SGCA: variants seen among roughly 807,000 people sequenced by gnomAD.
SGCA encodes alpha-sarcoglycan.
Under a neutral mutation model 38.1 loss-of-function variants are expected in SGCA, and 34 were observed. The ratio of observed to expected loss-of-function variants is 0.89; its 90% CI spans 0.68 to 1.19. SGCA has a LOEUF of 1.19. Among genes scored for constraint, SGCA ranks in the 50% most tolerant of loss-of-function variants. The probability of loss-of-function intolerance (pLI) is 0.00; values close to 1 mark genes in which losing one functional copy is unlikely to be tolerated. For synonymous variants in SGCA, 209 were observed against 214.6 expected (o/e 0.97, Z 0.23); for missense variants, 476 against 524.9 (o/e 0.91, Z 0.91).
At chr17:50,168,278 A>C (rs1905093461) in intron 4 of SGCA, 96 bp from the exon 5 acceptor site, 1 of 1,080,964 alleles carries the variant, frequency 9.3e-7, no homozygotes, top group Non-Finnish European at 1.4e-6. Flanking sequence ...AGGGGCCTGA[A>C]GGGGTGTGCA....
rs1904952774 is a variant in SGCA at position 50,167,089 on chromosome 17, T to G, written c.38-279T>G. Among the ~76,000 whole-genome samples the G allele has an allele frequency of 6.6e-6, 1 of 151,302 alleles. No homozygotes were observed. Among genetic ancestry groups the G allele is most frequent in the South Asian group, 2.1e-4 (1 of 4,784 alleles). ...CACACACACACTTCCCAGTCAAACATCAGTCCCTGCCCACTGCACCATTAA... is the reference window on the plus strand; with the variant it reads ...CACACACACACTTCCCAGTCAAACAGCAGTCCCTGCCCACTGCACCATTAA... On this transcript the variant is annotated intron_variant, in intron 1 of 9. Coordinates refer to ENST00000262018, the MANE Select transcript of SGCA (RefSeq NM_000023.4). The surrounding 1 kb of genome is among the most constrained non-coding windows in gnomAD (Gnocchi z 4.5).
At chr17:50,175,637 GT>G (rs779855165) in intron 9 of SGCA, 74 bp from the exon 10 acceptor site, 59 of 696,364 alleles carry the variant, frequency 8.5e-5, no homozygotes, top group Non-Finnish European at 1.3e-4. Context: ...AGCACTCGCA[GT>G]TGGAGTGTCA....
rs3138607 is a variant in SGCA at position 50,169,414 on chromosome 17, TAC to T, written c.747+191_747+192del. 4,622 of 479,870 alleles carry T rather than the reference TAC, an allele frequency of 9.6e-3. 2 individuals are homozygous for T. The highest frequency in any genetic ancestry group is 0.012 in the Non-Finnish European group (3,246 of 268,256). The allele number at this position is 479,870 out of a possible 1,614,324, so 29.7% of individuals were successfully genotyped here. On this transcript the variant is annotated intron_variant, in intron 6 of 9. Transcript: ENST00000262018. The stretch of plus-strand genomic sequence containing the variant: ...ATTGCCCACAGGCTTAGTCTGAGGA[TAC>T]ACACACACACACACACACACACACA...
Position 50,170,666 on chromosome 17 carries a change from A to T in SGCA, c.983A>T (p.Asp328Val), listed in dbSNP as rs966135192. 1.6e-5 allele frequency: 25 copies of T among 1,559,612 alleles called. No individual in the cohort carries two copies. In the African/African-American group the frequency reaches 2.0e-4, roughly 13 times the overall value. The change falls in exon 8 of 10, where the codon GAC becomes GTC. Residue 328 changes from aspartate (D) to valine (V), a missense_variant and splice_region_variant. Coordinates refer to ENST00000262018, the MANE Select transcript of SGCA (RefSeq NM_000023.4). Reference sequence around the variant, plus strand: ...CTGAAGAGAGACCTGGCTACCTCCGAGTGAGTAAAGGAAAGCTGGGGGTGG... The same window carrying T: ...CTGAAGAGAGACCTGGCTACCTCCGTGTGAGTAAAGGAAAGCTGGGGGTGG... Reference protein sequence around the residue: ...GRLKRDLATSDIQMVHHCTIH... With the variant: ...GRLKRDLATSVIQMVHHCTIH...
intron 6 of SGCA, 36 bp from the exon 7 acceptor site, chr17:50,170,107 G>T (rs1223034027): frequency 1.9e-6 from 3 of 1,591,240 alleles, no homozygotes; most frequent in Non-Finnish European, 2.6e-6. Flanking sequence ...TGTCCAGCCA[G>T]CCACTTCCTG....
In SGCA at chr17:50,173,446, G is replaced by A. The variant is rs995235298; in HGVS notation, c.984-1811G>A. On this transcript the variant is annotated intron_variant, in intron 8 of 9. Coordinates refer to ENST00000262018, the MANE Select transcript of SGCA (RefSeq NM_000023.4). The stretch of plus-strand genomic sequence containing the variant: ...GCCTGAGTGTGTAGGAATGCCTGCC[G>A]TTTGTCTGTCTGCCCAAGTGCTGAT... 1.3e-4 allele frequency among the ~76,000 whole-genome samples: 10 copies of A among 74,554 alleles called. No homozygotes were observed. In the East Asian group the frequency reaches 5.6e-3, roughly 41 times the overall value. The allele number at this position is 74,554 out of a possible 152,430, so 48.9% of individuals were successfully genotyped here.
rs1598276637 is a variant in SGCA, at chr17:50,174,407, C to A, written c.984-850C>A. Among the ~76,000 whole-genome samples the A allele has an allele frequency of 2.6e-5, 4 of 152,058 alleles. No homozygotes were observed. In the South Asian group the frequency reaches 8.3e-4, roughly 32 times the overall value. On this transcript the variant is annotated intron_variant, in intron 8 of 9. Coordinates refer to ENST00000262018, the MANE Select transcript of SGCA (RefSeq NM_000023.4). ...AATATGGCCCCTGTGGATGTCTATT[C>A]ATGTCTCCATATCTTGTGAGCGCTT...
At position 50,168,432 on chromosome 17, in the gene SGCA, G is replaced by A. The variant is rs1598267119; in HGVS notation, c.444G>A (p.Val148=). 1 of 1,591,210 alleles carries A rather than the reference G, an allele frequency of 6.3e-7. No individual in the cohort carries two copies. Among genetic ancestry groups the A allele is most frequent in the Admixed American group, 1.8e-5 (1 of 56,502 alleles). Residue 148 remains valine (V), a synonymous_variant, in exon 5 of 10, where the codon GTG becomes GTA. Transcript: ENST00000262018. ...FLVRSHDAEE[V]LPSTPASRFL... Reference sequence around the variant, plus strand: ...TGCGCAGCCACGATGCGGAGGAGGTGCTGCCCTCAACACCTGCCAGCCGCT... The same window carrying A: ...TGCGCAGCCACGATGCGGAGGAGGTACTGCCCTCAACACCTGCCAGCCGCT...
intron 8 of SGCA, chr17:50,171,912 T>C: frequency 2.2e-6 from 1 of 456,772 alleles, no homozygotes; most frequent in Non-Finnish European, 4.4e-6. Flanking sequence ...TTGGCACAGG[T>C]GCGTTGCCCA....
rs1291574969 is a variant in SGCA at position 50,170,185 on chromosome 17, C to T, written c.790C>T (p.Pro264Ser). 6.2e-7 allele frequency: 1 copy of T among 1,614,126 alleles called. No individual in the cohort carries two copies. The highest frequency in any genetic ancestry group is 1.1e-5 in the South Asian group (1 of 91,074). Residue 264 changes from proline (P) to serine (S), a missense_variant, in exon 7 of 10, where the codon CCA becomes TCA. Physicochemically the swap from Pro to Ser is moderately conservative, Grantham distance 74. Transcript: ENST00000262018. ...VPEPADEVPTPGDGILEHDPF... is the reference protein window; with the variant it reads ...VPEPADEVPTSGDGILEHDPF... ...GGAGCCTGCAGATGAGGTGCCCACC[C>T]CAGGTGATGGGATCCTGGAGCATGA...
Position 50,167,886 on chromosome 17 carries a change from GC to G in SGCA, c.313-56del. 1 of 1,559,976 alleles carries G rather than the reference GC, an allele frequency of 6.4e-7. No homozygotes were observed. Among genetic ancestry groups the G allele is most frequent in the Non-Finnish European group, 8.8e-7 (1 of 1,130,842 alleles). On this transcript the variant is annotated intron_variant, in intron 3 of 9. Coordinates refer to ENST00000262018, the MANE Select transcript of SGCA (RefSeq NM_000023.4). This position sits in a 1 kb window ranked among gnomAD's most constrained non-coding sequence, Gnocchi z 4.5. ...TGGTATCTGAGTCCTCTCCTGCCAGGCCCCCGCTGTGCCACGTTTCTCCCCT... is the reference window on the plus strand; with the variant it reads ...TGGTATCTGAGTCCTCTCCTGCCAGGCCCCGCTGTGCCACGTTTCTCCCCT...
intron 8 of SGCA, among the ~76,000 whole-genome samples, chr17:50,174,655 G>A (rs1905774757): frequency 6.6e-6 from 1 of 151,498 alleles, no homozygotes; most frequent in Non-Finnish European, 1.5e-5. Flanking sequence ...CCTGGTGGTA[G>A]GTGTTATTAT....
chr17:50,173,532 A>T (rs1905652870), intron 8 of SGCA, among the ~76,000 whole-genome samples: 1 of 152,202 alleles, frequency 6.6e-6, no homozygotes, highest in East Asian at 1.9e-4. Flanking sequence ...CTAGAAAAAC[A>T]TCCCCAGCAC....
chr17:50,175,467 T>C lies in SGCA; in HGVS notation c.*12+18T>C. 1 of 1,601,284 alleles carries C rather than the reference T, an allele frequency of 6.2e-7. No homozygotes were observed. Among genetic ancestry groups the C allele is most frequent in the Non-Finnish European group, 8.5e-7 (1 of 1,170,508 alleles). ...CTAGCCAGGTAGGTCTGGTGGGTGA[T>C]GCCAGCCTTATTTCTGGGAACAAGA... On this transcript the variant is annotated intron_variant, in intron 9 of 9. Coordinates refer to ENST00000262018, the MANE Select transcript of SGCA (RefSeq NM_000023.4).
At position 50,167,339 on chromosome 17, in the gene SGCA, T is replaced by C; in HGVS notation, c.38-29T>C. On this transcript the variant is annotated intron_variant, in intron 1 of 9. Transcript: ENST00000262018. The surrounding 1 kb of genome is among the most constrained non-coding windows in gnomAD (Gnocchi z 4.5). ...CCTGCCCAGGACTGAGGCTGGCCTG[T>C]GTGTTTGGGACTTGTGGGGTCCCCA... 1 of 1,613,916 alleles carries C rather than the reference T, an allele frequency of 6.2e-7. No individual in the cohort carries two copies. The highest frequency in any genetic ancestry group is 1.1e-5 in the South Asian group (1 of 91,068).
At chr17:50,172,377 G>T in intron 8 of SGCA, 1 of 439,578 alleles carries the variant, frequency 2.3e-6, no homozygotes, top group Admixed American at 2.4e-5. Context: ...CATGTAACAT[G>T]CCAGGTGTCC....
At chr17:50,175,521 G>A in intron 9 of SGCA, 72 bp downstream of exon 9, 1 of 1,382,962 alleles carries the variant, frequency 7.2e-7, no homozygotes, top group Non-Finnish European at 1.0e-6. Flanking sequence ...TGGGGCAAAT[G>A]GTGGGGTCTG....
chr17:50,170,443 C>G (rs1469149214), intron 7 of SGCA, 92 bp downstream of exon 7: 12 of 1,409,076 alleles, frequency 8.5e-6, no homozygotes, highest in Non-Finnish European at 9.9e-6. Flanking sequence ...GACCCAGACA[C>G]CATGGGAATG....
chr17:50,175,189 G>C, intron 8 of SGCA, 68 bp from the exon 9 acceptor site: 1 of 1,467,902 alleles, frequency 6.8e-7, no homozygotes, highest in Middle Eastern at 2.0e-4. Flanking sequence ...GTGGCTCAGA[G>C]GCAGTTCCAG....
Sources: gnomAD v4.1 joint callset for allele counts (sites outside exome capture counted in the v4.1 genomes callset) on GRCh38, gnomAD v4.1.1 for gene constraint, Gnocchi (gnomAD v3.1) non-coding constraint, MANE v1.5 for transcripts, NCBI Gene and HGNC (gene_info 2026-07-23, HGNC 2026-07-21) for gene names.